YTHDC1: variants seen among roughly 807,000 people sequenced by gnomAD.
YTHDC1 encodes YTH domain-containing protein 1.
A neutral mutation model predicts 107.0 loss-of-function variants in YTHDC1; 12 were observed. The ratio of observed to expected loss-of-function variants is 0.11; its 90% CI spans 0.07 to 0.18. The LOEUF is 0.18. Among genes scored for constraint, YTHDC1 ranks in the 10% least tolerant of loss-of-function variants. The pLI, the probability that YTHDC1 is intolerant of heterozygous loss-of-function variation, is 1.00. For missense variants in YTHDC1, 635 were observed against 898.8 expected (o/e 0.71, Z 3.75); for synonymous variants, 280 against 289.5 (o/e 0.97, Z 0.33).
At chr4:68,316,132 A>G (rs190668634) in intron 16 of YTHDC1, 182 bp downstream of exon 16, 262 of 623,364 alleles carry the variant, frequency 4.2e-4, no homozygotes, top group African/African-American at 3.3e-3. Context: ...AATATATTCT[A>G]TCTATATAAT....
At position 68,314,351 on chromosome 4, in the gene YTHDC1, A is replaced by T. The variant is rs774485862; in HGVS notation, c.1960-28T>A. ...AGAAAAGGAAAGAAATGTGTTAGGT[A>T]TGTCAAAAAGGCAAATAGTGTTAAG... On this transcript the variant is annotated intron_variant, in intron 16 of 16. Transcript: ENST00000344157. 14 of 1,610,746 alleles carry T rather than the reference A, an allele frequency of 8.7e-6. 1 individual carries two copies. The Middle Eastern group carries it at 6.6e-4, about 76-fold the overall frequency.
At chr4:68,338,838 G>A (rs979384726) in intron 1 of YTHDC1, among the ~76,000 whole-genome samples, 1 of 152,148 alleles carries the variant, frequency 6.6e-6, no homozygotes, top group African/African-American at 2.4e-5. Flanking sequence ...CGATAAGAGT[G>A]AGTTTCTCAA....
At chr4:68,323,735 T>C (rs868134132) in intron 10 of YTHDC1, among the ~76,000 whole-genome samples, 5 of 152,384 alleles carry the variant, frequency 3.3e-5, no homozygotes, top group Admixed American at 6.5e-5. Flanking sequence ...ATTTGTAGAC[T>C]TGAAAACCTG....
intron 9 of YTHDC1, among the ~76,000 whole-genome samples, chr4:68,329,468 A>T (rs999664232): frequency 1.3e-5 from 2 of 152,226 alleles, no homozygotes; most frequent in African/African-American, 4.8e-5. Context: ...CCACGTAAAG[A>T]TCACTTAAAT....
rs764323977 is a variant in YTHDC1 at position 68,337,172 on chromosome 4, TTCCTCCTCCTCC to T, written c.726_737del (p.Glu246_Glu249del). 1 of 1,605,778 alleles carries T rather than the reference TTCCTCCTCCTCC, an allele frequency of 6.2e-7. No homozygotes were observed. The highest frequency in any genetic ancestry group is 8.5e-7 in the Non-Finnish European group (1 of 1,173,488). On this transcript the variant is annotated inframe_deletion, in exon 4 of 17. Transcript: ENST00000344157. ...TCTCATCCTGTTCATATTCTTCTTCTTCCTCCTCCTCCTCCTCCTCTTCCTCCTCCTCCTCTT... is the reference window on the plus strand; with the variant it reads ...TCTCATCCTGTTCATATTCTTCTTCTTCCTCCTCTTCCTCCTCCTCCTCTT...
At position 68,320,171 on chromosome 4, in the gene YTHDC1, T is replaced by C. The variant is rs746471896; in HGVS notation, c.1636A>G (p.Arg546Gly). ...GGATAGTCAATCCTTGGTTTCTTTC[T>C]GCTGTTATGAATATCATAATCTTCT... is the stretch of plus-strand genomic sequence containing the variant. ...RPEDYDIHNSRKKPRIDYPPE... is the reference protein window; with the variant it reads ...RPEDYDIHNSGKKPRIDYPPE... Residue 546 changes from arginine to glycine, a missense_variant, in exon 12 of 17, where the codon AGA (arginine) becomes GGA (glycine). Physicochemically the swap from Arg to Gly is moderately radical, Grantham distance 125. Transcript: ENST00000344157. 6.2e-6 allele frequency: 10 copies of C among 1,610,766 alleles called. No individual in the cohort carries two copies. The highest frequency in any genetic ancestry group is 8.5e-7 in the Non-Finnish European group (1 of 1,179,212).
Position 68,333,520 on chromosome 4 carries a change from CTCCTGA to C in YTHDC1, c.884-129_884-124del, listed in dbSNP as rs943981514. 5.7e-5 allele frequency: 33 copies of C among 583,152 alleles called. No homozygotes were observed. In the African/African-American group the frequency reaches 6.1e-4, roughly 11 times the overall value. 36.1% of individuals were successfully genotyped at this position (583,152 alleles called of 1,614,324 possible). ...CCCTTCTATTAGTCTGTGCTCCTCT[CTCCTGA>C]TCCCTCAATTTCCTCAGAATGTTTT... is the stretch of plus-strand genomic sequence containing the variant. On this transcript the variant is annotated intron_variant, in intron 4 of 16. Transcript: ENST00000344157.
chr4:68,337,827 T>G lies in YTHDC1; in HGVS notation c.204A>C (p.Gln68His). Reference sequence around the variant, plus strand: ...ATGAGCTCAGTGGCTTAGAAACCAGTTGTCTAGAATGGACAGAAGGCTTTT... The same window carrying G: ...ATGAGCTCAGTGGCTTAGAAACCAGGTGTCTAGAATGGACAGAAGGCTTTT... The part of the protein sequence containing the change: ...KRQKPSVHSR[Q>H]LVSKPLSSSV... Residue 68 changes from glutamine (Q) to histidine (H), a missense_variant, in exon 3 of 17, where the codon CAA (glutamine) becomes CAC (histidine). By Grantham distance (24) the Gln-to-His change is conservative. Transcript: ENST00000344157. The G allele has an allele frequency of 6.2e-7, 1 of 1,614,120 alleles. No homozygotes were observed. The highest frequency in any genetic ancestry group is 8.5e-7 in the Non-Finnish European group (1 of 1,180,024).
At chr4:68,348,287 T>C (rs369815315) in intron 1 of YTHDC1, among the ~76,000 whole-genome samples, 18 of 152,190 alleles carry the variant, frequency 1.2e-4, no homozygotes, top group African/African-American at 4.1e-4. Context: ...GTTTGGTTCA[T>C]TTCGCCCACC....
intron 1 of YTHDC1, among the ~76,000 whole-genome samples, chr4:68,347,358 T>G (rs1481500360): frequency 6.6e-6 from 1 of 152,218 alleles, no homozygotes; most frequent in African/African-American, 2.4e-5. Context: ...TTAATATTAG[T>G]TAACACCAAC....
At position 68,322,804 on chromosome 4, in the gene YTHDC1, G is replaced by C; in HGVS notation, c.1546C>G (p.Gln516Glu). Residue 516 changes from glutamine to glutamate, a missense_variant, in exon 11 of 17, where the codon CAG becomes GAG. Transcript: ENST00000344157. This position sits in a 1 kb window ranked among gnomAD's most constrained non-coding sequence, Gnocchi z 4.8. ...GATGGACGTCCTCGTGATCGGGGCT[G>C]AGAATGCATTCTTCTCTTGTGACGC... ...KMRHKRRMHS[Q>E]PRSRGRPSRR... is the part of the protein sequence containing the mutation. 6.2e-7 allele frequency: 1 copy of C among 1,614,194 alleles called. No individual in the cohort carries two copies. The highest frequency in any genetic ancestry group is 8.5e-7 in the Non-Finnish European group (1 of 1,180,026).
At chr4:68,336,184 C>CA (rs907465477) in intron 4 of YTHDC1, among the ~76,000 whole-genome samples, 7 of 151,016 alleles carry the variant, frequency 4.6e-5, no homozygotes, top group South Asian at 2.1e-4. Context: ...AAATGTATTT[C>CA]AAAAAAATAG....
At position 68,337,708 on chromosome 4, in the gene YTHDC1, C is replaced by G. The variant is rs147602142; in HGVS notation, c.323G>C (p.Arg108Pro). Residue 108 changes from arginine to proline, a missense_variant, in exon 3 of 17, where the codon CGT (arginine) becomes CCT (proline). Arg to Pro is a moderately radical substitution (Grantham distance 103). Transcript: ENST00000344157. ...ACGAATTTTCCGATCAGCATCTAGA[C>G]GCTTGTTTCTTTCAGATCTTTGATA... is the stretch of plus-strand genomic sequence containing the variant. ...EEYQRSERNK[R>P]LDADRKIRLS... 13 of 1,613,930 alleles carry G rather than the reference C, an allele frequency of 8.1e-6. No individual in the cohort carries two copies. The highest frequency in any genetic ancestry group is 1.1e-5 in the Non-Finnish European group (13 of 1,180,024).
At chr4:68,318,318 G>A (rs961452016) in intron 15 of YTHDC1, among the ~76,000 whole-genome samples, 5 of 152,120 alleles carry the variant, frequency 3.3e-5, no homozygotes, top group African/African-American at 7.2e-5. Context: ...GTGTTGGCCA[G>A]GCTGGTCTCG....
intron 1 of YTHDC1, among the ~76,000 whole-genome samples, chr4:68,347,241 G>A (rs1725548825): frequency 6.6e-6 from 1 of 152,118 alleles, no homozygotes; most frequent in African/African-American, 2.4e-5. Flanking sequence ...TTAAACTTTT[G>A]TAACTGTTCT....
chr4:68,343,155 T>C (rs1005166823), intron 1 of YTHDC1, among the ~76,000 whole-genome samples: 2 of 152,298 alleles, frequency 1.3e-5, no homozygotes, highest in Non-Finnish European at 2.9e-5. Flanking sequence ...AAGCCTTTTT[T>C]AGATGTCTAT....
intron 1 of YTHDC1, among the ~76,000 whole-genome samples, chr4:68,344,418 A>T (rs1725190838): frequency 6.6e-6 from 1 of 152,136 alleles, no homozygotes; most frequent in Non-Finnish European, 1.5e-5. Context: ...GGGAAAGAGG[A>T]GGAAAGCTAA....
intron 9 of YTHDC1, among the ~76,000 whole-genome samples, chr4:68,326,622 ACT>A (rs1491462793): frequency 6.6e-6 from 1 of 151,978 alleles, no homozygotes; most frequent in East Asian, 1.9e-4. Context: ...ACACAGTCTC[ACT>A]CTGTTACCCA....
chr4:68,310,597 G>A lies in YTHDC1; in HGVS notation c.*3502C>T, dbSNP rs1721232606. ...CTAAGGATTCCTATTCCTACTATAA[G>A]GAACTTGGGGACTAAACTTGAGCCA... On this transcript the variant is annotated 3_prime_UTR_variant, in exon 17 of 17. Transcript: ENST00000344157. The A allele has an allele frequency of 6.6e-6, 1 of 152,136 alleles. No homozygotes were observed. The highest frequency in any genetic ancestry group is 2.1e-4 in the South Asian group (1 of 4,834). 9.4% of individuals were successfully genotyped at this position (152,136 alleles called of 1,614,324 possible). A position where few individuals can be genotyped will look rare whatever the true frequency, so the allele number is the denominator to read the frequency against.
Sources: allele counts gnomAD v4.1 joint callset (sites outside exome capture counted in the v4.1 genomes callset), GRCh38; gene constraint gnomAD v4.1.1; non-coding constraint Gnocchi (gnomAD v3.1); transcripts MANE v1.5; gene names NCBI Gene and HGNC (gene_info 2026-07-23, HGNC 2026-07-21).